RASGRP3: variants seen among roughly 807,000 people sequenced by gnomAD.
RASGRP3 encodes ras guanyl-releasing protein 3.
In RASGRP3, 54 loss-of-function variants were observed where a neutral mutation model predicts 82.7. That is an observed-to-expected ratio of 0.65 (90% CI 0.52 to 0.82). RASGRP3 has a LOEUF of 0.82. RASGRP3 is among the 40% of genes least tolerant of loss of function. The pLI is 0.00. For missense variants in RASGRP3, 861 were observed against 828.9 expected, an observed-to-expected ratio of 1.04 and a Z score of -0.48; for synonymous variants, 309 against 300.5, an observed-to-expected ratio of 1.03 and a Z score of -0.29.
At chr2:33,558,190 G>A (rs367964187) in intron 15 of RASGRP3, 21 bp from the exon 16 acceptor site, 98 of 1,605,866 alleles carry the variant, frequency 6.1e-5, no homozygotes, top group Admixed American at 1.9e-4. Flanking sequence ...AATCATCTGC[G>A]ACACCCTTGG....
At chr2:33,462,500 C>G (rs1166619672) in intron 2 of RASGRP3, among the ~76,000 whole-genome samples, 1 of 151,802 alleles carries the variant, frequency 6.6e-6, no homozygotes, top group Non-Finnish European at 1.5e-5. Flanking sequence ...GCCTCAGCCT[C>G]CCAAGTAGCT....
chr2:33,529,733 T>A (rs993599010), intron 10 of RASGRP3, among the ~76,000 whole-genome samples: 55 of 152,130 alleles, frequency 3.6e-4, no homozygotes, highest in African/African-American at 1.3e-3. Context: ...TTTTGTCTCC[T>A]TGCTAACAGC....
intron 12 of RASGRP3, among the ~76,000 whole-genome samples, chr2:33,541,522 G>C (rs1360438377): frequency 6.8e-6 from 1 of 146,912 alleles, no homozygotes; most frequent in African/African-American, 2.4e-5. Flanking sequence ...CTTGATACAA[G>C]AGTACCTGTT....
At chr2:33,467,423 G>T (rs976324675) in intron 2 of RASGRP3, among the ~76,000 whole-genome samples, 6 of 152,180 alleles carry the variant, frequency 3.9e-5, no homozygotes. Context: ...GAAGGGTAGA[G>T]AAATCTCCCA....
chr2:33,562,017 A>G (rs1033189047), intron 17 of RASGRP3, among the ~76,000 whole-genome samples: 4 of 152,332 alleles, frequency 2.6e-5, no homozygotes, highest in African/African-American at 9.6e-5. Flanking sequence ...ATAAAATGGA[A>G]TATGTTTATG....
chr2:33,549,802 T>C, intron 14 of RASGRP3, 51 bp downstream of exon 14: 13 of 1,555,830 alleles, frequency 8.4e-6, no homozygotes, highest in Non-Finnish European at 1.1e-5. Context: ...TTGTGTGGCA[T>C]TCTGAAAAAG....
intron 2 of RASGRP3, among the ~76,000 whole-genome samples, chr2:33,449,953 A>G (rs1190238862): frequency 1.3e-5 from 2 of 152,196 alleles, no homozygotes; most frequent in South Asian, 2.1e-4. Context: ...ACCTCACATG[A>G]TTTCTTTGGG....
At position 33,558,268 on chromosome 2, in the gene RASGRP3, G is replaced by A; in HGVS notation, c.1637G>A (p.Arg546Lys). ...CKDLLVLACRRFARAPSLSSG... is the reference protein window; with the variant it reads ...CKDLLVLACRKFARAPSLSSG... ...GACCTCCTGGTTCTGGCCTGCAGGAGATTTGCCCGGGCGCCCTCCTTGAGC... is the reference window on the plus strand; with the variant it reads ...GACCTCCTGGTTCTGGCCTGCAGGAAATTTGCCCGGGCGCCCTCCTTGAGC... Residue 546 changes from arginine (R) to lysine (K), a missense_variant, in exon 16 of 18, where the codon AGA (arginine) becomes AAA (lysine). Coordinates refer to ENST00000403687, the MANE Select transcript of RASGRP3 (RefSeq NM_001139488.2). 2 of 1,613,458 alleles carry A rather than the reference G, an allele frequency of 1.2e-6. No homozygotes were observed. Among genetic ancestry groups the A allele is most frequent in the Non-Finnish European group, 1.7e-6 (2 of 1,179,710 alleles).
intron 1 of RASGRP3, among the ~76,000 whole-genome samples, chr2:33,502,245 A>C (rs1428318276): frequency 6.6e-6 from 1 of 152,102 alleles, no homozygotes; most frequent in Non-Finnish European, 1.5e-5. Flanking sequence ...AGACAGTTAC[A>C]CCAAGGAACT....
intron 17 of RASGRP3, 146 bp downstream of exon 17, chr2:33,559,176 C>T: frequency 1.5e-6 from 1 of 664,658 alleles, no homozygotes; most frequent in South Asian, 2.0e-5. Context: ...TTTAGTCTTG[C>T]CACTGCCTAG....
intron 2 of RASGRP3, among the ~76,000 whole-genome samples, chr2:33,457,627 C>T (rs1483635459): frequency 3.3e-5 from 5 of 151,694 alleles, no homozygotes; most frequent in African/African-American, 9.7e-5. Flanking sequence ...AATCCTGATG[C>T]GGAATGCATT....
intron 1 of RASGRP3, among the ~76,000 whole-genome samples, chr2:33,439,019 C>T (rs73926633): frequency 0.015 from 2,262 of 152,244 alleles, 59 homozygotes; most frequent in African/African-American, 0.052. Flanking sequence ...TCTGGCCTGA[C>T]GCTGGGTGGG....
chr2:33,480,017 A>G (rs548941781), intron 1 of RASGRP3, among the ~76,000 whole-genome samples: 5 of 151,826 alleles, frequency 3.3e-5, no homozygotes, highest in Non-Finnish European at 7.4e-5. Context: ...TTTGAAGATC[A>G]AGCTATTTAT....
At chr2:33,505,878 TAGG>T (rs1457273238) in intron 1 of RASGRP3, among the ~76,000 whole-genome samples, 4 of 152,210 alleles carry the variant, frequency 2.6e-5, no homozygotes, top group Admixed American at 2.0e-4. Flanking sequence ...AGCCAAATGC[TAGG>T]AGAATACCCC....
upstream of RASGRP3, among the ~76,000 whole-genome samples, chr2:33,472,752 C>T (rs536249995): frequency 2.7e-5 from 4 of 146,908 alleles, no homozygotes; most frequent in South Asian, 4.4e-4. Context: ...GTCAGGTGTT[C>T]GGGACCATCC....
At chr2:33,441,172 G>A (rs950641391) in intron 1 of RASGRP3, among the ~76,000 whole-genome samples, 6 of 152,126 alleles carry the variant, frequency 3.9e-5, no homozygotes, top group South Asian at 2.1e-4. Flanking sequence ...GATTACAGGC[G>A]TGAGCCACGG....
intron 9 of RASGRP3, 82 bp downstream of exon 9, chr2:33,524,630 AC>A: frequency 9.4e-7 from 1 of 1,066,842 alleles, no homozygotes; most frequent in East Asian, 2.7e-5. Context: ...AACAAATGTC[AC>A]TCAGAGTGGG....
chr2:33,438,008 C>T (rs187774961), intron 1 of RASGRP3, among the ~76,000 whole-genome samples: 1 of 152,226 alleles, frequency 6.6e-6, no homozygotes, highest in African/African-American at 2.4e-5. Context: ...TGCCACGCCA[C>T]ATGGCTCTAA....
intron 2 of RASGRP3, among the ~76,000 whole-genome samples, chr2:33,471,341 A>ATT (rs70940204): frequency 0.072 from 7,706 of 106,770 alleles, 813 homozygotes; most frequent in African/African-American, 0.2. Context: ...ACACTGGGCT[A>ATT]TTTTTTTTTT....
Sources: allele counts gnomAD v4.1 joint callset (sites outside exome capture counted in the v4.1 genomes callset), GRCh38; gene constraint gnomAD v4.1.1; transcripts MANE v1.5; gene names NCBI Gene and HGNC (gene_info 2026-07-23, HGNC 2026-07-21).